The following PBX1 variants were observed in gnomAD, a reference collection of about 807,000 sequenced individuals.
PBX1 encodes pre-B-cell leukemia transcription factor 1.
In PBX1, 6 loss-of-function variants were observed where a neutral mutation model predicts 53.4. That is an observed-to-expected ratio of 0.11 (90% CI 0.06 to 0.22). The LOEUF is 0.22. Ranked by LOEUF, PBX1 falls within the 10% of genes least tolerant of loss-of-function variation. PBX1 has a pLI of 1.00. For missense variants in PBX1, 251 were observed against 551.4 expected (o/e 0.46, Z 5.46); for synonymous variants, 204 against 212.3 (o/e 0.96, Z 0.34).
chr1:164,764,840 A>G (rs1481592009), intron 2 of PBX1, among the ~76,000 whole-genome samples: 1 of 152,152 alleles, frequency 6.6e-6, no homozygotes, highest in Non-Finnish European at 1.5e-5. Flanking sequence ...TATCTTTACC[A>G]TTATTGCAGC....
intron 2 of PBX1, among the ~76,000 whole-genome samples, chr1:164,742,880 T>C (rs1379503950): frequency 6.6e-6 from 1 of 152,228 alleles, no homozygotes; most frequent in African/African-American, 2.4e-5. Context: ...GCATGGCTTC[T>C]GAAAGTGACT....
intron 2 of PBX1, among the ~76,000 whole-genome samples, chr1:164,605,003 C>T (rs1656455209): frequency 6.6e-6 from 1 of 152,110 alleles, no homozygotes; most frequent in South Asian, 2.1e-4. Flanking sequence ...GTATGGAAGA[C>T]ACCAGTAATC....
At chr1:164,612,582 C>T (rs1003170032) in intron 2 of PBX1, among the ~76,000 whole-genome samples, 1 of 152,052 alleles carries the variant, frequency 6.6e-6, no homozygotes, top group African/African-American at 2.4e-5. Context: ...GATATCTGTA[C>T]CTAAAAAATG....
chr1:164,594,486 T>C (rs995621645), intron 2 of PBX1, among the ~76,000 whole-genome samples: 8 of 152,210 alleles, frequency 5.3e-5, no homozygotes, highest in Admixed American at 2.0e-4. Flanking sequence ...TTTCGCCGTG[T>C]TGGCCAGGCT....
chr1:164,605,953 T>C (rs1656519222), intron 2 of PBX1, among the ~76,000 whole-genome samples: 1 of 152,202 alleles, frequency 6.6e-6, no homozygotes, highest in Admixed American at 6.5e-5. Context: ...TCAGACACTT[T>C]TGGTAATTCA....
chr1:164,789,808 T>C (rs752029538), intron 2 of PBX1, among the ~76,000 whole-genome samples: 3 of 152,178 alleles, frequency 2.0e-5, no homozygotes, highest in Non-Finnish European at 4.4e-5. Context: ...GTGGGGAATG[T>C]TCCTGCCAGC....
intron 2 of PBX1, among the ~76,000 whole-genome samples, chr1:164,670,641 C>T (rs1051127137): frequency 2.0e-5 from 3 of 151,900 alleles, no homozygotes; most frequent in African/African-American, 7.3e-5. Flanking sequence ...TCAAGACTGC[C>T]AAGACTAAGA....
intron 2 of PBX1, among the ~76,000 whole-genome samples, chr1:164,622,028 G>A (rs1464242779): frequency 6.6e-6 from 1 of 152,158 alleles, no homozygotes; most frequent in African/African-American, 2.4e-5. Flanking sequence ...GAGGGTATAG[G>A]AAATACTTCC....
intron 2 of PBX1, among the ~76,000 whole-genome samples, chr1:164,738,892 TC>T (rs1408069611): frequency 6.6e-6 from 1 of 152,218 alleles, no homozygotes; most frequent in African/African-American, 2.4e-5. Flanking sequence ...CCACACCTTT[TC>T]CAAGAAACCT....
intron 8 of PBX1, among the ~76,000 whole-genome samples, chr1:164,826,126 T>C (rs989227555): frequency 4.6e-5 from 7 of 152,206 alleles, no homozygotes; most frequent in African/African-American, 1.4e-4. Flanking sequence ...AAGCTCTCTT[T>C]CAGCTCAACA....
chr1:164,759,877 A>G (rs927876621), intron 2 of PBX1, among the ~76,000 whole-genome samples: 7 of 152,260 alleles, frequency 4.6e-5, no homozygotes, highest in African/African-American at 1.2e-4. Context: ...GGTTTTGGCC[A>G]TGAGCTAATC....
At chr1:164,802,795 A>G (rs891561171) in intron 4 of PBX1, among the ~76,000 whole-genome samples, 6 of 152,034 alleles carry the variant, frequency 3.9e-5, no homozygotes, top group Non-Finnish European at 8.8e-5. Context: ...TTCATTCAAC[A>G]TTTATCATAT....
At chr1:164,567,226 G>A (rs1653496418) in intron 2 of PBX1, among the ~76,000 whole-genome samples, 1 of 152,104 alleles carries the variant, frequency 6.6e-6, no homozygotes, top group African/African-American at 2.4e-5. Context: ...GGTGGGTTAT[G>A]GAAGGAAGCT....
chr1:164,605,385 T>G (rs1231285730), intron 2 of PBX1: 1 of 152,220 alleles, frequency 6.6e-6, no homozygotes, highest in African/African-American at 2.4e-5. Context: ...TAAGGTATTC[T>G]ACAACAGATG....
chr1:164,559,834 G>C lies in PBX1; in HGVS notation c.12G>C (p.Gln4His), dbSNP rs1031011831. Residue 4 changes from glutamine to histidine, a missense_variant, in exon 1 of 9, where the codon CAG becomes CAC. Around this residue, in one of 4 missense-constraint regions of PBX1, gnomAD observed 63 missense variants for 78.7 expected, o/e 0.80. Transcript: ENST00000420696. Reference sequence around the variant, plus strand: ...CGTAGCCTTTGGAGATGGACGAGCAGCCCAGGCTGATGCATTCCCATGCTG... The same window carrying C: ...CGTAGCCTTTGGAGATGGACGAGCACCCCAGGCTGATGCATTCCCATGCTG... MDE[Q>H]PRLMHSHAGV... 1 of 1,548,814 alleles carries C rather than the reference G, an allele frequency of 6.5e-7. No individual in the cohort carries two copies.
intron 2 of PBX1, among the ~76,000 whole-genome samples, chr1:164,679,305 G>T (rs139337721): frequency 6.6e-6 from 1 of 152,296 alleles, no homozygotes; most frequent in East Asian, 1.9e-4. Flanking sequence ...TAGTTTGTTT[G>T]CACTGCGGAA....
chr1:164,597,361 T>C (rs1312099704), intron 2 of PBX1, among the ~76,000 whole-genome samples: 1 of 152,172 alleles, frequency 6.6e-6, no homozygotes, highest in East Asian at 1.9e-4. Flanking sequence ...CTCTTCTCCT[T>C]TGTAAGTAGA....
chr1:164,763,570 A>G (rs1666915280), intron 2 of PBX1, among the ~76,000 whole-genome samples: 1 of 152,196 alleles, frequency 6.6e-6, no homozygotes, highest in African/African-American at 2.4e-5. Context: ...GGGTTTAGCT[A>G]CAGCCTACAG....
At chr1:164,573,466 T>G (rs1654009252) in intron 2 of PBX1, among the ~76,000 whole-genome samples, 1 of 151,810 alleles carries the variant, frequency 6.6e-6, no homozygotes, top group Non-Finnish European at 1.5e-5. Context: ...CATTGTGTAT[T>G]TTACATTTAC....
Sources: allele counts gnomAD v4.1 joint callset (sites outside exome capture counted in the v4.1 genomes callset), GRCh38; gene constraint gnomAD v4.1.1; regional missense constraint gnomAD v4.1.1; transcripts MANE v1.5; gene names NCBI Gene and HGNC (gene_info 2026-07-23, HGNC 2026-07-21).